Variants in DIAPH2 observed in about 807,000 individuals in gnomAD.
DIAPH2 encodes the protein protein diaphanous homolog 2.
Under a neutral mutation model 92.7 loss-of-function variants are expected in DIAPH2, and 35 were observed. That is an observed-to-expected ratio of 0.38 (90% CI 0.29 to 0.50). The LOEUF is 0.50. Among genes scored for constraint, DIAPH2 ranks in the 20% least tolerant of loss-of-function variants. DIAPH2 has a pLI of 0.94. For missense variants in DIAPH2, 701 were observed against 819.5 expected (o/e 0.86, Z 1.77); for synonymous variants, 301 against 280.4 (o/e 1.07, Z -0.73).
chrX:96,786,103 G>A (rs2064455174), intron 4 of DIAPH2, among the ~76,000 whole-genome samples: 1 of 111,760 alleles, frequency 8.9e-6, no homozygotes, highest in South Asian at 3.7e-4. Flanking sequence ...AGGTAGAGTT[G>A]GAGAAACCAA....
intron 5 of DIAPH2, among the ~76,000 whole-genome samples, chrX:96,901,498 T>C (rs2065394156): frequency 9.4e-6 from 1 of 106,431 alleles, no homozygotes; most frequent in Non-Finnish European, 1.9e-5. Flanking sequence ...TTTCTTCTTC[T>C]AGCTTTTTGG....
At chrX:97,113,899 C>G (rs190037565) in intron 20 of DIAPH2, among the ~76,000 whole-genome samples, 16 of 111,493 alleles carry the variant, frequency 1.4e-4, no homozygotes, top group African/African-American at 4.2e-4. Flanking sequence ...TCCCCGACCT[C>G]CCTCCCAGAA....
chrX:97,549,830 A>G (rs767424934), intron 26 of DIAPH2, among the ~76,000 whole-genome samples: 2 of 111,998 alleles, frequency 1.8e-5, no homozygotes, highest in Non-Finnish European at 3.8e-5. Context: ...TCCGCATTCT[A>G]CAAGATAATT....
intron 22 of DIAPH2, among the ~76,000 whole-genome samples, 184 bp downstream of exon 22, chrX:97,141,978 G>A (rs972378094): frequency 3.6e-5 from 4 of 111,672 alleles, no homozygotes; most frequent in Non-Finnish European, 7.5e-5. Flanking sequence ...AACCTATTTT[G>A]TCTTACATCA....
chrX:97,292,593 C>A (rs924976056), intron 23 of DIAPH2, among the ~76,000 whole-genome samples: 5 of 105,472 alleles, frequency 4.7e-5, no homozygotes, highest in Non-Finnish European at 3.9e-5. Flanking sequence ...TGTCACCAGG[C>A]TGGAGTGCAG....
chrX:97,429,775 G>A lies in DIAPH2; in HGVS notation c.3241+30G>A, dbSNP rs770341735. ...AACACATTCCACCTCACATAGTATTGTAAAATATGAATGTTCAGAGCAAAG... is the reference window on the plus strand; with the variant it reads ...AACACATTCCACCTCACATAGTATTATAAAATATGAATGTTCAGAGCAAAG... On this transcript the variant is annotated intron_variant, in intron 26 of 26. Coordinates refer to ENST00000324765, the MANE Select transcript of DIAPH2 (RefSeq NM_006729.5). 4 of 1,134,384 alleles carry A rather than the reference G, an allele frequency of 3.5e-6. No individual in the cohort carries two copies. In the East Asian group the frequency reaches 1.2e-4, roughly 35 times the overall value. 93.5% of individuals were successfully genotyped at this position (1,134,384 alleles called of 1,213,427 possible).
intron 4 of DIAPH2, among the ~76,000 whole-genome samples, chrX:96,761,456 T>C (rs1300168149): frequency 9.1e-6 from 1 of 110,207 alleles, no homozygotes; most frequent in Non-Finnish European, 1.9e-5. Context: ...GCAGTATATC[T>C]ATATGTGTAT....
intron 17 of DIAPH2, among the ~76,000 whole-genome samples, chrX:97,054,838 A>G (rs2066545048): frequency 1.8e-5 from 2 of 110,956 alleles, no homozygotes; most frequent in South Asian, 7.6e-4. Flanking sequence ...CCAGTAATGA[A>G]TGTGTAGAAG....
intron 19 of DIAPH2, among the ~76,000 whole-genome samples, chrX:97,098,223 A>G (rs1441939654): frequency 9.0e-6 from 1 of 111,577 alleles, no homozygotes; most frequent in East Asian, 2.8e-4. Context: ...AAAACTAACC[A>G]TTTTACCCTT....
At chrX:97,358,836 G>T (rs1006296469) in intron 24 of DIAPH2, among the ~76,000 whole-genome samples, 53 of 111,132 alleles carry the variant, frequency 4.8e-4, no homozygotes, top group African/African-American at 1.7e-3. Context: ...ATCCTTCCAG[G>T]CATTTTCCTA....
At chrX:97,037,891 T>C (rs777464531) in intron 17 of DIAPH2, among the ~76,000 whole-genome samples, 5 of 111,719 alleles carry the variant, frequency 4.5e-5, no homozygotes, top group South Asian at 7.5e-4. Context: ...TAGGGTAAAA[T>C]TGGTTTTGGA....
At chrX:97,408,580 G>A (rs944773410) in intron 25 of DIAPH2, among the ~76,000 whole-genome samples, 1 of 111,376 alleles carries the variant, frequency 9.0e-6, no homozygotes, top group African/African-American at 3.3e-5. Flanking sequence ...TTATTAATAT[G>A]TATTTATAAA....
chrX:97,317,186 T>C (rs1295505577), intron 23 of DIAPH2, among the ~76,000 whole-genome samples: 1 of 111,609 alleles, frequency 9.0e-6, no homozygotes, highest in African/African-American at 3.3e-5. Flanking sequence ...TCATAATTTG[T>C]TTTTTTTAGC....
At position 97,247,838 on chromosome X, in the gene DIAPH2, C is replaced by T; in HGVS notation, c.2843C>T (p.Thr948Ile). 1 of 1,204,878 alleles carries T rather than the reference C, an allele frequency of 8.3e-7. No individual in the cohort carries two copies. Among genetic ancestry groups the T allele is most frequent in the Non-Finnish European group, 1.1e-6 (1 of 891,505 alleles). ...CACGATAAGTTTGTGGAAAAGATGA[C>T]CATATCCTTTATTTATTTAAGCATT... is the stretch of plus-strand genomic sequence containing the variant. ...NQHDKFVEKM[T>I]SFTKTAREQY... Residue 948 changes from threonine to isoleucine, a missense_variant and splice_region_variant, in exon 23 of 27, where the codon ACC becomes ATC. By Grantham distance (89) the Thr-to-Ile change is moderately conservative (BLOSUM62 -1). This residue lies in a region of DIAPH2 where 536 missense variants were observed against 599.3 expected (regional missense o/e 0.89). Coordinates refer to ENST00000324765, the MANE Select transcript of DIAPH2 (RefSeq NM_006729.5).
chrX:97,017,665 G>A (rs1008445723), intron 17 of DIAPH2, among the ~76,000 whole-genome samples: 3 of 112,112 alleles, frequency 2.7e-5, no homozygotes, highest in African/African-American at 3.2e-5. Context: ...ATCTTATGGC[G>A]CAGCTCGATG....
At chrX:96,884,937 T>A in intron 5 of DIAPH2, 1 of 1,211,396 alleles carries the variant, frequency 8.3e-7, no homozygotes. Flanking sequence ...TGCGTTTGAT[T>A]CATGAGTGTC....
intron 26 of DIAPH2, among the ~76,000 whole-genome samples, chrX:97,570,118 AT>A (rs1569426219): frequency 5.1e-3 from 122 of 24,118 alleles, no homozygotes; most frequent in Non-Finnish European, 6.8e-3. Context: ...ATATATATAT[AT>A]ATATTAGAAG....
At chrX:97,347,793 G>A (rs1012462069) in intron 23 of DIAPH2, among the ~76,000 whole-genome samples, 1 of 110,943 alleles carries the variant, frequency 9.0e-6, no homozygotes, top group Admixed American at 9.7e-5. Context: ...ATTAGGGTGG[G>A]CCCTAATCCA....
At chrX:97,451,375 G>A (rs1164219534) in intron 26 of DIAPH2, among the ~76,000 whole-genome samples, 1 of 111,338 alleles carries the variant, frequency 9.0e-6, no homozygotes, top group African/African-American at 3.3e-5. Context: ...GAGAAAATGT[G>A]ATATCCATTA....
Sources: gnomAD v4.1 joint callset for allele counts (sites outside exome capture counted in the v4.1 genomes callset) on GRCh38, gnomAD v4.1.1 for gene constraint, gnomAD v4.1.1 regional missense constraint, MANE v1.5 for transcripts, NCBI Gene and HGNC (gene_info 2026-07-23, HGNC 2026-07-21) for gene names.